SMARCA4: variants seen among roughly 807,000 people sequenced by gnomAD.
SMARCA4 encodes the protein SWI/SNF-related matrix-associated actin-dependent regulator of chromatin subfamily A member 4.
A neutral mutation model predicts 193.9 loss-of-function variants in SMARCA4; 31 were observed. The ratio of observed to expected loss-of-function variants is 0.16; its 90% CI spans 0.12 to 0.22. The LOEUF is 0.22. Among genes scored for constraint, SMARCA4 ranks in the 10% least tolerant of loss-of-function variants. The pLI is 1.00. For missense variants in SMARCA4, 1,148 were observed against 2,296.0 expected, an observed-to-expected ratio of 0.50 and a Z score of 10.22; for synonymous variants, 942 against 933.1, an observed-to-expected ratio of 1.01 and a Z score of -0.17.
intron 24 of SMARCA4, among the ~76,000 whole-genome samples, chr19:11,029,708 T>G (rs1650852327): frequency 6.6e-6 from 1 of 152,134 alleles, no homozygotes; most frequent in African/African-American, 2.4e-5. Flanking sequence ...AGTTTCACTC[T>G]TGTTGCCCAG....
rs1426388914 is a variant in SMARCA4, at chr19:10,961,072, G to C, written c.-134G>C. On this transcript the variant is annotated 5_prime_UTR_variant, in exon 1 of 35. Coordinates refer to ENST00000344626, the MANE Select transcript of SMARCA4 (RefSeq NM_003072.5). ...TTCCCCTCGTTTGGCGGCGGCGGCG[G>C]CTTCTTTGTTTCGTGAAGAGAAGCG... 1.3e-5 allele frequency: 2 copies of C among 149,292 alleles called. No individual in the cohort carries two copies. Among genetic ancestry groups the C allele is most frequent in the Admixed American group, 6.7e-5 (1 of 15,000 alleles). 9.2% of individuals were successfully genotyped at this position (149,292 alleles called of 1,614,324 possible). A position where few individuals can be genotyped will look rare whatever the true frequency, so the allele number is the denominator to read the frequency against.
At chr19:11,004,927 C>T (rs1054478911) in intron 13 of SMARCA4, among the ~76,000 whole-genome samples, 1 of 151,988 alleles carries the variant, frequency 6.6e-6, no homozygotes, top group Non-Finnish European at 1.5e-5. Flanking sequence ...GCAATCTCTG[C>T]CTCCCGGGTT....
intron 30 of SMARCA4, among the ~76,000 whole-genome samples, chr19:11,053,861 G>C (rs2147019941): frequency 6.6e-6 from 1 of 151,786 alleles, no homozygotes; most frequent in Non-Finnish European, 1.5e-5. Flanking sequence ...CAGTGAGCTA[G>C]GATGGCACCA....
At chr19:11,004,722 G>A (rs1269946439) in intron 13 of SMARCA4, among the ~76,000 whole-genome samples, 2 of 152,068 alleles carry the variant, frequency 1.3e-5, no homozygotes, top group African/African-American at 4.8e-5. Context: ...TATATTTACT[G>A]TAATTTCTGA....
At chr19:11,044,666 C>G (rs917232280) in intron 30 of SMARCA4, among the ~76,000 whole-genome samples, 2 of 152,208 alleles carry the variant, frequency 1.3e-5, no homozygotes, top group East Asian at 3.9e-4. Flanking sequence ...GCCTCACACC[C>G]TGCGTGTAGG....
chr19:11,000,174 C>T (rs1332066206), intron 11 of SMARCA4, among the ~76,000 whole-genome samples: 2 of 150,640 alleles, frequency 1.3e-5, no homozygotes, highest in Admixed American at 1.3e-4. Flanking sequence ...TTGCAGTGAG[C>T]CAGGTTCATG....
chr19:11,058,868 C>G lies in SMARCA4; in HGVS notation c.4614C>G (p.Thr1538=), dbSNP rs1060504460. ...TGCTCCTGTGCCAGAACGCACAGAC[C>G]TTCAACCTGGAGGGCTCCCTGGTGA... ...DVMLLCQNAQ[T]FNLEGSLIYE... The change falls in exon 32 of 35, where the codon ACC becomes ACG. Residue 1538 remains threonine, a synonymous_variant. Coordinates refer to ENST00000344626, the MANE Select transcript of SMARCA4 (RefSeq NM_003072.5). This position sits in a 1 kb window ranked among gnomAD's most constrained non-coding sequence, Gnocchi z 5.8. The G allele has an allele frequency of 1.2e-6, 2 of 1,613,894 alleles. No individual in the cohort carries two copies. The highest frequency in any genetic ancestry group is 2.7e-5 in the African/African-American group (2 of 74,926).
In SMARCA4 at chr19:11,033,665, T is replaced by G. The variant is rs1408981494; in HGVS notation, c.3775-102T>G. ...GAGTGTGGGCTGAACGGAAAGAGGA[T>G]GAGTACTTGCTTTTTCTTTGAAGTG... On this transcript the variant is annotated intron_variant, in intron 26 of 34. Transcript: ENST00000344626. The surrounding 1 kb of genome is among the most constrained non-coding windows in gnomAD (Gnocchi z 9.8). The G allele has an allele frequency of 3.9e-6, 3 of 775,580 alleles. No individual in the cohort carries two copies. The highest frequency in any genetic ancestry group is 4.7e-6 in the Non-Finnish European group (2 of 424,176). The allele number at this position is 775,580 out of a possible 1,614,324, so 48.0% of individuals were successfully genotyped here.
chr19:11,033,218 A>T lies in SMARCA4; in HGVS notation c.3547-72A>T. ...GCACGCACAGCACACCTCTCCAGCT[A>T]GTGTCAGAGGCCACCTTCCCTTTTA... On this transcript the variant is annotated intron_variant, in intron 25 of 34. Coordinates refer to ENST00000344626, the MANE Select transcript of SMARCA4 (RefSeq NM_003072.5). The surrounding 1 kb of genome is among the most constrained non-coding windows in gnomAD (Gnocchi z 9.8). The T allele has an allele frequency of 1.7e-6, 2 of 1,143,596 alleles. No individual in the cohort carries two copies. The highest frequency in any genetic ancestry group is 2.7e-6 in the Non-Finnish European group (2 of 754,504). The allele number at this position is 1,143,596 out of a possible 1,614,324, so 70.8% of individuals were successfully genotyped here.
intron 13 of SMARCA4, among the ~76,000 whole-genome samples, chr19:11,006,478 C>T (rs974527178): frequency 7.2e-5 from 11 of 152,150 alleles, no homozygotes; most frequent in African/African-American, 1.7e-4. Context: ...AAGCCAGGCG[C>T]GGTGTCTCAC....
At chr19:10,977,575 C>T (rs903961279) in intron 1 of SMARCA4, 1 of 152,248 alleles carries the variant, frequency 6.6e-6, no homozygotes, top group Non-Finnish European at 1.5e-5. Flanking sequence ...CCGCCCGCCT[C>T]GGCCTCCCAA....
Position 11,003,079 on chromosome 19 carries a change from C to T in SMARCA4, c.1863C>T (p.His621=), listed in dbSNP as rs199820703. 3.7e-6 allele frequency: 6 copies of T among 1,614,046 alleles called. No individual in the cohort carries two copies. In the African/African-American group the frequency reaches 4.0e-5, roughly 11 times the overall value. The change falls in exon 12 of 35, where the codon CAC becomes CAT. Residue 621 remains histidine (H), a synonymous_variant. Coordinates refer to ENST00000344626, the MANE Select transcript of SMARCA4 (RefSeq NM_003072.5). ...QMSDLPVKVI[H]VESGKILTGT... is the part of the protein sequence containing the mutation. ...GCGACCTCCCGGTGAAGGTGATCCA[C>T]GTGGAGAGTGGGAAGATCCTCACAG...
intron 29 of SMARCA4, among the ~76,000 whole-genome samples, chr19:11,035,453 T>C (rs2075212213): frequency 6.6e-6 from 1 of 152,240 alleles, no homozygotes; most frequent in African/African-American, 2.4e-5. Flanking sequence ...AGTGGACTGC[T>C]GGCTTTCCCA....
intron 30 of SMARCA4, among the ~76,000 whole-genome samples, chr19:11,053,176 G>A (rs961842516): frequency 5.9e-5 from 9 of 152,092 alleles, no homozygotes; most frequent in South Asian, 2.1e-4. Context: ...CGAGGCGGGC[G>A]GATCACCTGA....
At chr19:10,974,944 C>T (rs1224598729) in intron 1 of SMARCA4, among the ~76,000 whole-genome samples, 6 of 148,646 alleles carry the variant, frequency 4.0e-5, no homozygotes, top group East Asian at 2.0e-4. Context: ...GTGATCCGCT[C>T]GCCTCAGCTT....
chr19:10,998,549 A>C (rs2087306545), intron 11 of SMARCA4, among the ~76,000 whole-genome samples: 1 of 149,112 alleles, frequency 6.7e-6, no homozygotes, highest in African/African-American at 2.5e-5. Flanking sequence ...TGATGGCTAC[A>C]GGATGGTGAC....
At chr19:10,997,819 C>T (rs1053250601) in intron 11 of SMARCA4, among the ~76,000 whole-genome samples, 17 of 152,146 alleles carry the variant, frequency 1.1e-4, no homozygotes, top group African/African-American at 7.2e-5. Flanking sequence ...GACGTGACAG[C>T]GCCTTACCTC....
intron 1 of SMARCA4, among the ~76,000 whole-genome samples, chr19:10,980,477 C>G (rs1286422965): frequency 6.6e-6 from 1 of 152,008 alleles, no homozygotes; most frequent in East Asian, 1.9e-4. Flanking sequence ...AGTTCTAATG[C>G]TCAGTGTAAA....
chr19:10,982,737 C>A (rs1228739408), intron 1 of SMARCA4, among the ~76,000 whole-genome samples: 1 of 152,076 alleles, frequency 6.6e-6, no homozygotes, highest in Non-Finnish European at 1.5e-5. Context: ...ATCTCCTGAC[C>A]TCGTGATCTG....
Sources: gnomAD v4.1 joint callset for allele counts (sites outside exome capture counted in the v4.1 genomes callset) on GRCh38, gnomAD v4.1.1 for gene constraint, Gnocchi (gnomAD v3.1) non-coding constraint, MANE v1.5 for transcripts, NCBI Gene and HGNC (gene_info 2026-07-23, HGNC 2026-07-21) for gene names.